The following OSBPL5 variants were observed in gnomAD, a reference collection of about 807,000 sequenced individuals.
OSBPL5 encodes the protein oxysterol binding protein like 5, also known as oxysterol-binding protein-related protein 5.
OSBPL5 carries 71 observed loss-of-function variants against 111.2 expected under a neutral mutation model. That is an observed-to-expected ratio of 0.64 (90% CI 0.53 to 0.78). The LOEUF (loss-of-function observed/expected upper bound fraction) is 0.78, where lower values mean the gene tolerates loss of function less well. Among genes scored for constraint, OSBPL5 ranks in the 30% least tolerant of loss-of-function variants. The probability of loss-of-function intolerance (pLI) is 0.00; values close to 1 mark genes in which losing one functional copy is unlikely to be tolerated. For missense variants in OSBPL5, 1,210 were observed against 1,189.3 expected, an observed-to-expected ratio of 1.02 and a Z score of -0.26; for synonymous variants, 549 against 513.9, an observed-to-expected ratio of 1.07 and a Z score of -0.93.
chr11:3,149,879 G>A (rs1276904361), intron 1 of OSBPL5, among the ~76,000 whole-genome samples: 1 of 152,196 alleles, frequency 6.6e-6, no homozygotes, highest in African/African-American at 2.4e-5. Context: ...GTGTGATGGT[G>A]GCCTTGCATT....
At chr11:3,103,404 C>T in intron 10 of OSBPL5, 84 bp from the exon 11 acceptor site, 1 of 1,277,932 alleles carries the variant, frequency 7.8e-7, no homozygotes, top group South Asian at 1.4e-5. Flanking sequence ...CTCCTACCAT[C>T]CCGACCTCCA....
intron 14 of OSBPL5, chr11:3,094,541 AGCCTGGGAGGTGCG>A (rs1857189019): frequency 1.6e-5 from 4 of 250,232 alleles, no homozygotes; most frequent in Admixed American, 1.1e-4. Flanking sequence ...GGGGGTGCGG[AGCCTGGGAGGTGCG>A]GAGCCTGGGA....
Position 3,121,247 on chromosome 11 carries a change from G to A in OSBPL5, c.403-623C>T, listed in dbSNP as rs2056423. Among the ~76,000 whole-genome samples the A allele has an allele frequency of 0.34, 51,675 of 151,578 alleles. 9,193 individuals are homozygous for A. The highest frequency in any genetic ancestry group is 0.36 in the Non-Finnish European group (24,460 of 67,882). On this transcript the variant is annotated intron_variant, in intron 5 of 21. Coordinates refer to ENST00000263650, the MANE Select transcript of OSBPL5 (RefSeq NM_020896.4). This position sits in a 1 kb window ranked among gnomAD's most constrained non-coding sequence, Gnocchi z 4.3. ...TAATTTCTGTATTTTTAGTAGAGAC[G>A]GGGTTTTGCCATTTTGGACAGGCTG...
rs1478990419 is a variant in OSBPL5, at chr11:3,109,054, C to G, written c.692-1109G>C. On this transcript the variant is annotated intron_variant, in intron 7 of 21. Transcript: ENST00000263650. This position sits in a 1 kb window ranked among gnomAD's most constrained non-coding sequence, Gnocchi z 7.4. The stretch of plus-strand genomic sequence containing the variant: ...AAGTGCTGGGATTACAGGTGTGAGC[C>G]ACCACACCGGGTCAATAAGTGTGTT... Among the ~76,000 whole-genome samples, 1 of 151,906 alleles carries G rather than the reference C, an allele frequency of 6.6e-6. No homozygotes were observed. Among genetic ancestry groups the G allele is most frequent in the African/African-American group, 2.4e-5 (1 of 41,320 alleles).
At chr11:3,153,536 G>T (rs1846655024) in intron 1 of OSBPL5, among the ~76,000 whole-genome samples, 1 of 152,202 alleles carries the variant, frequency 6.6e-6, no homozygotes. Context: ...CTGGCAAGCT[G>T]CGGGGGCTGA....
intron 1 of OSBPL5, among the ~76,000 whole-genome samples, chr11:3,156,533 C>CGGCTCTGGGGAAAGAATCG (rs1229258153): frequency 1.3e-5 from 2 of 152,042 alleles, no homozygotes; most frequent in Non-Finnish European, 2.9e-5. Flanking sequence ...CCCAGGATGG[C>CGGCTCTGGGGAAAGAATCG]GGCTCTGGGG....
At chr11:3,163,489 A>C (rs1410419001) in intron 1 of OSBPL5, among the ~76,000 whole-genome samples, 3 of 115,214 alleles carry the variant, frequency 2.6e-5, no homozygotes, top group African/African-American at 3.4e-5. Context: ...GATACCAGGC[A>C]TTCTCAGCAT....
intron 14 of OSBPL5, among the ~76,000 whole-genome samples, chr11:3,099,179 C>T (rs1446708489): frequency 6.6e-6 from 1 of 152,214 alleles, no homozygotes; most frequent in African/African-American, 2.4e-5. Context: ...ATTCCAACTA[C>T]ATGACATTCC....
At chr11:3,108,292 C>A (rs1542189) in intron 7 of OSBPL5, among the ~76,000 whole-genome samples, 1 of 148,098 alleles carries the variant, frequency 6.8e-6, no homozygotes. Context: ...ACATTGCTGA[C>A]GAGGGGCTGG....
chr11:3,111,922 AAGTC>A (rs1303643150), intron 7 of OSBPL5, among the ~76,000 whole-genome samples: 1 of 147,482 alleles, frequency 6.8e-6, no homozygotes, highest in Non-Finnish European at 1.5e-5. Context: ...CAATGGTTAA[AAGTC>A]AGTTTAATGA....
intron 1 of OSBPL5, among the ~76,000 whole-genome samples, chr11:3,129,758 C>A (rs1359885921): frequency 6.6e-6 from 1 of 152,226 alleles, no homozygotes; most frequent in Admixed American, 6.5e-5. Flanking sequence ...TCAGTTGCAC[C>A]CACATGCACC....
intron 1 of OSBPL5, among the ~76,000 whole-genome samples, chr11:3,131,919 ATCCTCCTG>A (rs1461117561): frequency 1.4e-5 from 1 of 72,370 alleles, no homozygotes; most frequent in Non-Finnish European, 2.5e-5. Flanking sequence ...GCATCCATCC[ATCCTCCTG>A]TCCATCCATC....
intron 7 of OSBPL5, among the ~76,000 whole-genome samples, chr11:3,118,864 C>T (rs530659686): frequency 1.8e-4 from 27 of 151,190 alleles, no homozygotes; most frequent in African/African-American, 4.1e-4. Context: ...CCACTGCACC[C>T]GGCCTGGCAA....
intron 1 of OSBPL5, among the ~76,000 whole-genome samples, chr11:3,153,255 A>G (rs1426645908): frequency 6.6e-6 from 1 of 152,052 alleles, no homozygotes; most frequent in Non-Finnish European, 1.5e-5. Flanking sequence ...GTTAAAGGAG[A>G]TAAGTCATTC....
intron 3 of OSBPL5, 34 bp from the exon 4 acceptor site, chr11:3,122,462 A>T (rs1858455969): frequency 1.9e-6 from 3 of 1,603,582 alleles, no homozygotes; most frequent in Non-Finnish European, 2.6e-6. Flanking sequence ...GGGACAGGGC[A>T]CAGGGGCCGG....
chr11:3,089,820 G>C lies in OSBPL5; in HGVS notation c.2501+26C>G, dbSNP rs748849042. The C allele has an allele frequency of 1.9e-6, 3 of 1,547,436 alleles. No individual in the cohort carries two copies. The African/African-American group carries it at 4.1e-5, about 21-fold the overall frequency. Reference sequence around the variant, plus strand: ...TCTCGCACTCTCTGACCCGGAGTCTGGATGGACACCCTGAGTGTGGCCCAC... The same window carrying C: ...TCTCGCACTCTCTGACCCGGAGTCTCGATGGACACCCTGAGTGTGGCCCAC... On this transcript the variant is annotated intron_variant, in intron 21 of 21. Coordinates refer to ENST00000263650, the MANE Select transcript of OSBPL5 (RefSeq NM_020896.4).
chr11:3,129,143 C>T lies in OSBPL5; in HGVS notation c.6G>A (p.Lys2=). Residue 2 remains lysine, a synonymous_variant, in exon 2 of 22, where the codon AAG becomes AAA. Coordinates refer to ENST00000263650, the MANE Select transcript of OSBPL5 (RefSeq NM_020896.4). The stretch of plus-strand genomic sequence containing the variant: ...AGCGGCGCCGGAGGAAGGCCTCCTC[C>T]TTCATGCTGTGGGCGCTCGGGGGCT... The part of the protein sequence containing the change: M[K]EEAFLRRRFS... 2.1e-6 allele frequency: 3 copies of T among 1,455,448 alleles called. No homozygotes were observed. Among genetic ancestry groups the T allele is most frequent in the Non-Finnish European group, 2.7e-6 (3 of 1,097,364 alleles). The allele number at this position is 1,455,448 out of a possible 1,614,324, so 90.2% of individuals were successfully genotyped here.
chr11:3,103,269 C>T lies in OSBPL5; in HGVS notation c.1296G>A (p.Trp432Ter). ...GCTTCTTGTAGAAGCCAGACAGGTACCACCGCAGCACCAGCTTCATGCGGC... is the reference window on the plus strand; with the variant it reads ...GCTTCTTGTAGAAGCCAGACAGGTATCACCGCAGCACCAGCTTCATGCGGC... ...AYSRMKLVLR[W>*]YLSGFYKKPK... Residue 432 changes from tryptophan to a stop codon, truncating the protein, a stop_gained, in exon 11 of 22, where the codon TGG (tryptophan) becomes TGA (stop). Transcript: ENST00000263650. LOFTEE classifies it high-confidence loss of function. 1.2e-6 allele frequency: 2 copies of T among 1,608,174 alleles called. No individual in the cohort carries two copies. Among genetic ancestry groups the T allele is most frequent in the Non-Finnish European group, 8.5e-7 (1 of 1,177,358 alleles).
rs1288821420 is a variant in OSBPL5 at position 3,109,274 on chromosome 11, T to G, written c.692-1329A>C. ...TTTGTATTTTTAGTAGAGATGGGGTTTCACCATGTTGGCCAGGCTGGTCTC... is the reference window on the plus strand; with the variant it reads ...TTTGTATTTTTAGTAGAGATGGGGTGTCACCATGTTGGCCAGGCTGGTCTC... On this transcript the variant is annotated intron_variant, in intron 7 of 21. Coordinates refer to ENST00000263650, the MANE Select transcript of OSBPL5 (RefSeq NM_020896.4). This position sits in a 1 kb window ranked among gnomAD's most constrained non-coding sequence, Gnocchi z 7.4. 2.6e-5 allele frequency among the ~76,000 whole-genome samples: 4 copies of G among 151,698 alleles called. No individual in the cohort carries two copies. The highest frequency in any genetic ancestry group is 5.9e-5 in the Non-Finnish European group (4 of 67,948).
Sources: allele counts gnomAD v4.1 joint callset (sites outside exome capture counted in the v4.1 genomes callset), GRCh38; gene constraint gnomAD v4.1.1; non-coding constraint Gnocchi (gnomAD v3.1); transcripts MANE v1.5; gene names NCBI Gene and HGNC (gene_info 2026-07-23, HGNC 2026-07-21).